Variants in GPX2 observed in about 807,000 individuals in gnomAD.
The protein encoded by GPX2 is glutathione peroxidase 2.
A neutral mutation model predicts 14.1 loss-of-function variants in GPX2; 21 were observed. The ratio of observed to expected loss-of-function variants is 1.48; its 90% CI spans 1.05 to 2.14. GPX2 has a LOEUF of 2.14. Among genes scored for constraint, GPX2 ranks in the 30% most tolerant of loss-of-function variants. GPX2 has a pLI of 0.00. For missense variants in GPX2, 241 were observed against 249.8 expected (o/e 0.96, Z 0.24); for synonymous variants, 94 against 95.2 (o/e 0.99, Z 0.07).
At chr14:64,941,892 T>A (rs1313730227) in intron 1 of GPX2, among the ~76,000 whole-genome samples, 1 of 152,210 alleles carries the variant, frequency 6.6e-6, no homozygotes, top group East Asian at 1.9e-4. Flanking sequence ...CTTGGCTAAT[T>A]TAAACCAACA....
At position 64,940,106 on chromosome 14, in the gene GPX2, T is replaced by TG. The variant is rs1365004957; in HGVS notation, c.223-269dup. 28 of 1,403,946 alleles carry TG rather than the reference T, an allele frequency of 2.0e-5. No individual in the cohort carries two copies. Among genetic ancestry groups the TG allele is most frequent in the East Asian group, 1.3e-4 (4 of 30,638 alleles). The allele number at this position is 1,403,946 out of a possible 1,614,324, so 87.0% of individuals were successfully genotyped here. ...TAATTTTTTTTTTTTTTTGTAGAGA[T>TG]GGGGTCTCACTTTGTTGCCCATGCT... On this transcript the variant is annotated intron_variant, in intron 1 of 1. Transcript: ENST00000389614. This position sits in a 1 kb window ranked among gnomAD's most constrained non-coding sequence, Gnocchi z 4.5.
rs1370668253 is a variant in GPX2, at chr14:64,939,534, A to G, written c.527T>C (p.Ile176Thr). The G allele has an allele frequency of 2.5e-6, 4 of 1,613,980 alleles. No homozygotes were observed. The highest frequency in any genetic ancestry group is 1.7e-6 in the Non-Finnish European group (2 of 1,179,976). The stretch of plus-strand genomic sequence containing the variant: ...GCGCTTGATGTCAGGCTCAATGTTG[A>G]TGGTTGGGAAGGTGCGGCTGTAGCG... ...FRRYSRTFPT[I>T]NIEPDIKRLL... Residue 176 changes from isoleucine to threonine, a missense_variant, in exon 2 of 2, where the codon ATC (isoleucine) becomes ACC (threonine). Transcript: ENST00000389614. This position sits in a 1 kb window ranked among gnomAD's most constrained non-coding sequence, Gnocchi z 5.7.
Position 64,940,907 on chromosome 14 carries a change from CCTT to C in GPX2, c.223-1072_223-1070del, listed in dbSNP as rs1173415708. On this transcript the variant is annotated intron_variant, in intron 1 of 1. Coordinates refer to ENST00000389614, the MANE Select transcript of GPX2 (RefSeq NM_002083.4). The surrounding 1 kb of genome is among the most constrained non-coding windows in gnomAD (Gnocchi z 4.5). ...GACAATCCAAAAGGCCTATGGGAAC[CCTT>C]CTTTTCCACCTCTACCTTTCCAATT... Among the ~76,000 whole-genome samples the C allele has an allele frequency of 6.6e-6, 1 of 152,140 alleles. No homozygotes were observed. The highest frequency in any genetic ancestry group is 2.1e-4 in the South Asian group (1 of 4,828).
chr14:64,939,845 G>A lies in GPX2; in HGVS notation c.223-7C>T, dbSNP rs1885523205. 2 of 1,611,818 alleles carry A rather than the reference G, an allele frequency of 1.2e-6. No homozygotes were observed. The highest frequency in any genetic ancestry group is 2.2e-5 in the East Asian group (1 of 44,832). On this transcript the variant is annotated splice_polypyrimidine_tract_variant and splice_region_variant and intron_variant, in intron 1 of 1. Transcript: ENST00000389614. This position sits in a 1 kb window ranked among gnomAD's most constrained non-coding sequence, Gnocchi z 5.7. ...CCTCATTCTGACAGTTCTCCTAGGG[G>A]AGGAAAAAGACAAAGTGCGTGGACA...
intron 1 of GPX2, 27 bp downstream of exon 1, chr14:64,942,478 G>C: frequency 6.4e-7 from 1 of 1,573,070 alleles, no homozygotes; most frequent in Non-Finnish European, 8.7e-7. Flanking sequence ...CAACACTTTT[G>C]GTGCATTACA....
rs1435229100 is a variant in GPX2, at chr14:64,940,311, A to G, written c.223-473T>C. 1.8e-6 allele frequency: 1 copy of G among 560,348 alleles called. No homozygotes were observed. The highest frequency in any genetic ancestry group is 3.1e-6 in the Non-Finnish European group (1 of 323,044). 34.7% of individuals were successfully genotyped at this position (560,348 alleles called of 1,614,324 possible). A position where few individuals can be genotyped will look rare whatever the true frequency, so the allele number is the denominator to read the frequency against. ...TACCCATAAATCCATACCTACACAC[A>G]CACCCCTTTCCTTTCCTCTGCCCTG... On this transcript the variant is annotated intron_variant, in intron 1 of 1. Transcript: ENST00000389614. The surrounding 1 kb of genome is among the most constrained non-coding windows in gnomAD (Gnocchi z 4.5).
In GPX2 at chr14:64,940,659, A is replaced by G. The variant is rs1038794964; in HGVS notation, c.223-821T>C. Among the ~76,000 whole-genome samples, 1 of 152,238 alleles carries G rather than the reference A, an allele frequency of 6.6e-6. No individual in the cohort carries two copies. The highest frequency in any genetic ancestry group is 2.4e-5 in the African/African-American group (1 of 41,470). ...AGGATACAGGATTTAGGGTTTGGCA[A>G]TAGGCCAGGGGGAGGGGGAGTTGAG... is the stretch of plus-strand genomic sequence containing the variant. On this transcript the variant is annotated intron_variant, in intron 1 of 1. Transcript: ENST00000389614. This position sits in a 1 kb window ranked among gnomAD's most constrained non-coding sequence, Gnocchi z 4.5.
rs1461160087 is a variant in GPX2 at position 64,942,657 on chromosome 14, T to C, written c.70A>G (p.Asn24Asp). ...AGCACGGCCCTGCCCCGGAACGTAT[T>C]GAAATCTACCTTCTCCCCATCCAGG... ...ISLDGEKVDFNTFRGRAVLIE... is the reference protein window; with the variant it reads ...ISLDGEKVDFDTFRGRAVLIE... Residue 24 changes from asparagine to aspartate, a missense_variant, in exon 1 of 2, where the codon AAT (asparagine) becomes GAT (aspartate). Transcript: ENST00000389614. The C allele has an allele frequency of 1.9e-5, 31 of 1,614,076 alleles. No homozygotes were observed. The highest frequency in any genetic ancestry group is 2.5e-5 in the Non-Finnish European group (30 of 1,180,054).
Position 64,942,622 on chromosome 14 carries a change from A to G in GPX2, c.105T>C (p.Asn35=), listed in dbSNP as rs375024178. 1.2e-5 allele frequency: 20 copies of G among 1,614,100 alleles called. No homozygotes were observed. Among genetic ancestry groups the G allele is most frequent in the African/African-American group, 8.0e-5 (6 of 74,940 alleles). ...TGGTTGTGCCTCAGAGCGAAGCCAC[A>G]TTCTCAATCAGCACGGCCCTGCCCC... ...TFRGRAVLIE[N]VASLUGTTTR... is the part of the protein sequence containing the mutation. The change falls in exon 1 of 2, where the codon AAT becomes AAC. Residue 35 remains asparagine, a synonymous_variant. Transcript: ENST00000389614.
At chr14:64,941,313 C>G (rs1885623652) in intron 1 of GPX2, 1 of 1,121,916 alleles carries the variant, frequency 8.9e-7, no homozygotes, top group Non-Finnish European at 1.1e-6. Context: ...AGCAATCTGC[C>G]TACCTTAGCC....
intron 1 of GPX2, among the ~76,000 whole-genome samples, chr14:64,941,943 C>T (rs1885663839): frequency 6.6e-6 from 1 of 152,228 alleles, no homozygotes; most frequent in Admixed American, 6.5e-5. Context: ...CTTGCATTTG[C>T]ATAGTACTTT....
chr14:64,942,477 T>C, intron 1 of GPX2, 28 bp downstream of exon 1: 2 of 1,577,562 alleles, frequency 1.3e-6, no homozygotes, highest in Non-Finnish European at 1.7e-6. Flanking sequence ...CCAACACTTT[T>C]GGTGCATTAC....
At position 64,939,609 on chromosome 14, in the gene GPX2, G is replaced by A. The variant is rs1885495036; in HGVS notation, c.452C>T (p.Ala151Val). The A allele has an allele frequency of 6.2e-7, 1 of 1,614,144 alleles. No homozygotes were observed. The highest frequency in any genetic ancestry group is 1.3e-5 in the African/African-American group (1 of 75,044). Reference sequence around the variant, plus strand: ...TATGAGGAACTTCTCAAAGTTCCAGGCCACATCTGAGCGGCGCACAGGGCT... The same window carrying A: ...TATGAGGAACTTCTCAAAGTTCCAGACCACATCTGAGCGGCGCACAGGGCT... ...IWSPVRRSDVAWNFEKFLIGP... is the reference protein window; with the variant it reads ...IWSPVRRSDVVWNFEKFLIGP... Residue 151 changes from alanine (A) to valine (V), a missense_variant, in exon 2 of 2, where the codon GCC becomes GTC. Ala to Val is a moderately conservative substitution (Grantham distance 64). Coordinates refer to ENST00000389614, the MANE Select transcript of GPX2 (RefSeq NM_002083.4). The surrounding 1 kb of genome is among the most constrained non-coding windows in gnomAD (Gnocchi z 5.7).
rs541443055 is a variant in GPX2, at chr14:64,942,487, C to G, written c.222+18G>C. The G allele has an allele frequency of 1.2e-6, 2 of 1,606,494 alleles. No individual in the cohort carries two copies. Among genetic ancestry groups the G allele is most frequent in the African/African-American group, 2.7e-5 (2 of 74,904 alleles). On this transcript the variant is annotated intron_variant, in intron 1 of 1. Transcript: ENST00000389614. ...CCAACCCAACACTTTTGGTGCATTA[C>G]AAGGAGGGACCCCTCACCTGATGTC...
chr14:64,941,454 T>A (rs1278304591), intron 1 of GPX2: 1 of 1,288,544 alleles, frequency 7.8e-7, no homozygotes, highest in Admixed American at 2.3e-5. Context: ...GAAGAGATGG[T>A]GTGAGGCTGG....
In GPX2 at chr14:64,939,209, T is replaced by A; in HGVS notation, c.*279A>T. The A allele has an allele frequency of 4.8e-6, 2 of 419,122 alleles. No homozygotes were observed. The highest frequency in any genetic ancestry group is 3.8e-5 in the Admixed American group (1 of 26,176). 26.0% of individuals were successfully genotyped at this position (419,122 alleles called of 1,614,324 possible). On this transcript the variant is annotated 3_prime_UTR_variant, in exon 2 of 2. Transcript: ENST00000389614. This position sits in a 1 kb window ranked among gnomAD's most constrained non-coding sequence, Gnocchi z 5.7. ...CTTCTAGCAGAGTGGCTCCAGGCCC[T>A]TCACGCCTCTCAGACACCACCCATG...
intron 1 of GPX2, chr14:64,941,230 C>T (rs1885618029): frequency 4.2e-6 from 2 of 472,306 alleles, no homozygotes; most frequent in South Asian, 4.6e-5. Flanking sequence ...CCATGCCTGG[C>T]TAATTTTTGC....
In GPX2 at chr14:64,939,763, T is replaced by C. The variant is rs951808199; in HGVS notation, c.298A>G (p.Thr100Ala). 3.7e-6 allele frequency: 6 copies of C among 1,614,012 alleles called. No homozygotes were observed. In the East Asian group the frequency reaches 1.3e-4, roughly 36 times the overall value. ...TTCACCTCACATTTTTGGACAAGGG[T>C]GAAGGTGGGCTGGTATCCACCCCCA... ...RPGGGYQPTF[T>A]LVQKCEVNGQ... Residue 100 changes from threonine to alanine, a missense_variant, in exon 2 of 2, where the codon ACC becomes GCC. Physicochemically the swap from Thr to Ala is moderately conservative, Grantham distance 58. Transcript: ENST00000389614. The surrounding 1 kb of genome is among the most constrained non-coding windows in gnomAD (Gnocchi z 5.7).
Position 64,940,098 on chromosome 14 carries a change from T to TTTTTTTTTTTG in GPX2, c.223-261_223-260insCAAAAAAAAAA. 1.5e-6 allele frequency: 2 copies of TTTTTTTTTTTG among 1,367,734 alleles called. No individual in the cohort carries two copies. Among genetic ancestry groups the TTTTTTTTTTTG allele is most frequent in the Non-Finnish European group, 1.9e-6 (2 of 1,032,242 alleles). 84.7% of individuals were successfully genotyped at this position (1,367,734 alleles called of 1,614,324 possible). ...TGCCCGGCTAATTTTTTTTTTTTTTTGTAGAGATGGGGTCTCACTTTGTTG... is the reference window on the plus strand; with the variant it reads ...TGCCCGGCTAATTTTTTTTTTTTTTTTTTTTTTTTTGGTAGAGATGGGGTCTCACTTTGTTG... On this transcript the variant is annotated intron_variant, in intron 1 of 1. Transcript: ENST00000389614. The surrounding 1 kb of genome is among the most constrained non-coding windows in gnomAD (Gnocchi z 4.5).
Sources: allele counts gnomAD v4.1 joint callset (sites outside exome capture counted in the v4.1 genomes callset), GRCh38; gene constraint gnomAD v4.1.1; non-coding constraint Gnocchi (gnomAD v3.1); transcripts MANE v1.5; gene names NCBI Gene and HGNC (gene_info 2026-07-23, HGNC 2026-07-21).